Variants in AUTS2 observed in about 807,000 individuals in gnomAD.
AUTS2 encodes the protein autism susceptibility gene 2 protein.
A neutral mutation model predicts 112.4 loss-of-function variants in AUTS2; 17 were observed. The ratio of observed to expected loss-of-function variants is 0.15; its 90% CI spans 0.10 to 0.23. The LOEUF (loss-of-function observed/expected upper bound fraction) is 0.23. Ranked by LOEUF, AUTS2 falls within the 10% of genes least tolerant of loss-of-function variation. The probability of loss-of-function intolerance (pLI) is 1.00; values close to 1 mark genes in which losing one functional copy is unlikely to be tolerated. For missense variants in AUTS2, 1,510 were observed against 1,701.6 expected (o/e 0.89, Z 1.98); for synonymous variants, 751 against 702.7 (o/e 1.07, Z -1.09).
chr7:69,855,482 C>G lies in AUTS2; in HGVS notation c.310-43804C>G, dbSNP rs191706695. ...AGACCTGGGCCCTTGTTACTGTATC[C>G]TCTGGACTGCATTTTAGTAATATTT... On this transcript the variant is annotated intron_variant, in intron 1 of 18. Coordinates refer to ENST00000342771, the MANE Select transcript of AUTS2 (RefSeq NM_015570.4). 1.5e-3 allele frequency among the ~76,000 whole-genome samples: 235 copies of G among 152,238 alleles called. 2 individuals are homozygous for G. The highest frequency in any genetic ancestry group is 2.1e-3 in the Non-Finnish European group (142 of 68,022).
intron 4 of AUTS2, among the ~76,000 whole-genome samples, chr7:70,303,430 G>GCACACACACACACA (rs1171296742): frequency 2.7e-5 from 3 of 109,858 alleles, no homozygotes; most frequent in African/African-American, 1.1e-4. Flanking sequence ...ACACGCGCGC[G>GCACACACACACACA]CGCGCACATA....
At chr7:70,255,351 C>T (rs570886389) in intron 4 of AUTS2, among the ~76,000 whole-genome samples, 118 of 152,116 alleles carry the variant, frequency 7.8e-4, no homozygotes, top group African/African-American at 2.6e-3. Context: ...GGATTATAGG[C>T]GTGAGCCACC....
chr7:70,659,595 G>A (rs1007061081), intron 5 of AUTS2, among the ~76,000 whole-genome samples: 8 of 152,176 alleles, frequency 5.3e-5, no homozygotes, highest in Non-Finnish European at 1.0e-4. Context: ...TATTGCAGGG[G>A]TTCAAGTTAT....
At chr7:70,247,984 G>C (rs1274288645) in intron 4 of AUTS2, among the ~76,000 whole-genome samples, 1 of 152,090 alleles carries the variant, frequency 6.6e-6, no homozygotes, top group Non-Finnish European at 1.5e-5. Context: ...ATGATGATGT[G>C]ATTTTCTTCT....
chr7:69,626,753 A>G (rs995198653), intron 1 of AUTS2, among the ~76,000 whole-genome samples: 24 of 152,198 alleles, frequency 1.6e-4, no homozygotes, highest in Non-Finnish European at 7.3e-5. Context: ...TTTCCCCCAT[A>G]AGGGCAGTTT....
chr7:70,226,949 G>GCT (rs1811797025), intron 4 of AUTS2, among the ~76,000 whole-genome samples: 2 of 152,176 alleles, frequency 1.3e-5, no homozygotes, highest in African/African-American at 4.8e-5. Context: ...ATGAGTGGAT[G>GCT]CTCTAAGGAG....
At chr7:70,776,884 A>G in intron 13 of AUTS2, 1 of 582,636 alleles carries the variant, frequency 1.7e-6, no homozygotes, top group Non-Finnish European at 3.0e-6. Flanking sequence ...TGGTTTTCTG[A>G]GTAGCAAACC....
At chr7:69,712,225 T>C (rs1700824751) in intron 1 of AUTS2, among the ~76,000 whole-genome samples, 1 of 152,194 alleles carries the variant, frequency 6.6e-6, no homozygotes, top group Admixed American at 6.5e-5. Flanking sequence ...TTTTTAAAAA[T>C]TGAAGTAAAA....
intron 2 of AUTS2, among the ~76,000 whole-genome samples, chr7:69,964,500 T>C (rs1388673447): frequency 6.6e-6 from 1 of 152,206 alleles, no homozygotes; most frequent in East Asian, 1.9e-4. Flanking sequence ...TAAAATTTAG[T>C]ACGTTATCAA....
intron 4 of AUTS2, among the ~76,000 whole-genome samples, chr7:70,317,804 C>T (rs962375023): frequency 3.3e-5 from 5 of 152,154 alleles, no homozygotes; most frequent in Non-Finnish European, 5.9e-5. Context: ...GTCTCATTTG[C>T]GGACGTGTCT....
chr7:69,807,739 T>C (rs1262581069), intron 1 of AUTS2, among the ~76,000 whole-genome samples: 2 of 152,170 alleles, frequency 1.3e-5, no homozygotes, highest in Non-Finnish European at 2.9e-5. Context: ...CTCATTCATA[T>C]GGCTTTTGGC....
chr7:69,927,211 C>T (rs1176633396), intron 2 of AUTS2, among the ~76,000 whole-genome samples: 3 of 132,536 alleles, frequency 2.3e-5, no homozygotes, highest in Non-Finnish European at 5.0e-5. Flanking sequence ...TATATACATA[C>T]TATATATATC....
chr7:70,574,121 C>T (rs994324237), intron 5 of AUTS2, among the ~76,000 whole-genome samples: 1 of 152,090 alleles, frequency 6.6e-6, no homozygotes, highest in Non-Finnish European at 1.5e-5. Flanking sequence ...ACCCCCATAG[C>T]AGTTGGGGAA....
intron 1 of AUTS2, among the ~76,000 whole-genome samples, chr7:69,898,645 C>G (rs1000558352): frequency 2.6e-5 from 4 of 152,268 alleles, no homozygotes; most frequent in African/African-American, 9.6e-5. Context: ...TCCTACCCAC[C>G]TCCCCTCATC....
intron 2 of AUTS2, among the ~76,000 whole-genome samples, chr7:69,955,646 T>G (rs1797182310): frequency 6.6e-6 from 1 of 152,124 alleles, no homozygotes; most frequent in Non-Finnish European, 1.5e-5. Context: ...CATTTTCAAT[T>G]AACACCCTCC....
At chr7:70,128,565 C>T (rs908110144) in intron 3 of AUTS2, among the ~76,000 whole-genome samples, 6 of 152,112 alleles carry the variant, frequency 3.9e-5, no homozygotes, top group African/African-American at 1.4e-4. Context: ...GAACAACAAG[C>T]TTAGAGGCCC....
intron 1 of AUTS2, among the ~76,000 whole-genome samples, chr7:69,654,122 T>C (rs1313333479): frequency 1.3e-5 from 2 of 152,256 alleles, no homozygotes; most frequent in African/African-American, 4.8e-5. Context: ...ACAGCTATGC[T>C]TGCTTTTTCT....
intron 4 of AUTS2, among the ~76,000 whole-genome samples, chr7:70,405,335 GTCT>G (rs1179485022): frequency 6.6e-6 from 1 of 152,180 alleles, no homozygotes; most frequent in East Asian, 1.9e-4. Context: ...TGCCATCTCT[GTCT>G]TCATAGACTC....
intron 2 of AUTS2, among the ~76,000 whole-genome samples, chr7:70,034,999 A>G (rs372417684): frequency 2.0e-4 from 30 of 152,250 alleles, no homozygotes; most frequent in Admixed American, 7.2e-4. Flanking sequence ...GCCTGGCTCA[A>G]TTCTACTTTT....
Sources: allele counts gnomAD v4.1 joint callset (sites outside exome capture counted in the v4.1 genomes callset), GRCh38; gene constraint gnomAD v4.1.1; transcripts MANE v1.5; gene names NCBI Gene and HGNC (gene_info 2026-07-23, HGNC 2026-07-21).